Variants in RSPH14 observed in about 807,000 individuals in gnomAD.
RSPH14 encodes the protein radial spoke head 14 homolog, also known as rhabdoid tumor deletion region gene 1.
A neutral mutation model predicts 26.7 loss-of-function variants in RSPH14; 20 were observed. The observed-to-expected ratio is 0.75, with a 90% CI of 0.53 to 1.09. The LOEUF is 1.09. RSPH14 is among the 50% of genes least tolerant of loss of function. The pLI is 0.00. For synonymous variants in RSPH14, 177 were observed against 189.3 expected, an observed-to-expected ratio of 0.93 and a Z score of 0.53; for missense variants, 449 against 457.2, an observed-to-expected ratio of 0.98 and a Z score of 0.16.
At position 23,140,441 on chromosome 22, in the gene RSPH14, C is replaced by G. The variant is rs374852239; in HGVS notation, c.-21G>C. On this transcript the variant is annotated 5_prime_UTR_variant, in exon 2 of 7. Coordinates refer to ENST00000216036, the MANE Select transcript of RSPH14 (RefSeq NM_014433.3). ...GCCATCTTTCCCCAACTACAGAGGCCTTTCCAAATGAAGCTCTGCAGAAAC... is the reference window on the plus strand; with the variant it reads ...GCCATCTTTCCCCAACTACAGAGGCGTTTCCAAATGAAGCTCTGCAGAAAC... 1.2e-6 allele frequency: 2 copies of G among 1,612,752 alleles called. No individual in the cohort carries two copies. The highest frequency in any genetic ancestry group is 1.3e-5 in the African/African-American group (1 of 74,916).
At chr22:23,150,552 C>T in the RSPH14 span, among the ~76,000 whole-genome samples, 1 of 151,948 alleles carries the variant, frequency 6.6e-6, no homozygotes, top group Non-Finnish European at 1.5e-5. Flanking sequence ...CAGCCTGCCT[C>T]GGCCTCCCAA....
chr22:23,096,208 T>G, intron 4 of RSPH14: 3 of 1,613,752 alleles, frequency 1.9e-6, no homozygotes, highest in Non-Finnish European at 1.7e-6. Flanking sequence ...ATATCCCCAC[T>G]GTCGAGGACA....
intron 4 of RSPH14, among the ~76,000 whole-genome samples, chr22:23,116,621 T>C (rs954153898): frequency 6.6e-6 from 1 of 152,170 alleles, no homozygotes; most frequent in Non-Finnish European, 1.5e-5. Flanking sequence ...GCTGTGATAC[T>C]CAGCACTGTG....
chr22:23,153,242 C>T, the RSPH14 span: 2 of 834,504 alleles, frequency 2.4e-6, no homozygotes, highest in South Asian at 1.5e-5. Context: ...CTAGTCTAGA[C>T]AAGCAGAGCC....
upstream of RSPH14, among the ~76,000 whole-genome samples, chr22:23,144,092 CAAAAAAAAAAA>C (rs35499128): frequency 2.1e-4 from 5 of 24,178 alleles, 1 homozygote; most frequent in South Asian, 4.6e-3. Flanking sequence ...GACTCCATCT[CAAAAAAAAAAA>C]AAAAAAAAAA....
At chr22:23,099,014 C>A (rs902163315) in intron 4 of RSPH14, among the ~76,000 whole-genome samples, 5 of 152,284 alleles carry the variant, frequency 3.3e-5, no homozygotes, top group Non-Finnish European at 5.9e-5. Context: ...GCCGAATGAA[C>A]CTTGGGGCCC....
At chr22:23,143,866 G>A (rs936973555), upstream of RSPH14, among the ~76,000 whole-genome samples, 55 of 152,188 alleles carry the variant, frequency 3.6e-4, no homozygotes, top group Middle Eastern at 3.4e-3. Context: ...CAAGGCCGGC[G>A]GATCACATGA....
At chr22:23,101,717 C>A (rs2069307567) in intron 4 of RSPH14, among the ~76,000 whole-genome samples, 1 of 152,248 alleles carries the variant, frequency 6.6e-6, no homozygotes, top group Non-Finnish European at 1.5e-5. Flanking sequence ...GTTATCATGA[C>A]CCTGGAACAG....
intron 4 of RSPH14, chr22:23,131,520 G>A: frequency 1.2e-6 from 1 of 863,072 alleles, no homozygotes. Flanking sequence ...GGCAAAGCTG[G>A]CTGGTGGTAT....
At chr22:23,096,440 C>A in intron 4 of RSPH14, 2 of 1,580,386 alleles carry the variant, frequency 1.3e-6, no homozygotes, top group Non-Finnish European at 1.7e-6. Flanking sequence ...CGGGGGTTTT[C>A]CTCTGCTTGT....
At chr22:23,070,148 C>T (rs1484086810) in intron 4 of RSPH14, among the ~76,000 whole-genome samples, 1 of 151,990 alleles carries the variant, frequency 6.6e-6, no homozygotes, top group Non-Finnish European at 1.5e-5. Flanking sequence ...CCTGTCCGTC[C>T]CCATTGGGCT....
chr22:23,140,250 G>C lies in RSPH14; in HGVS notation c.171C>G (p.Pro57=). The part of the protein sequence containing the change: ...LMALCDLMHD[P]ECIYKAMNIG... ...TGTTCATGGCCTTGTAGATACACTC[G>C]GGGTCATGCATGAGGTCACACAAGG... Residue 57 remains proline, a synonymous_variant, in exon 2 of 7, where the codon CCC becomes CCG. Transcript: ENST00000216036. 1 of 1,614,060 alleles carries C rather than the reference G, an allele frequency of 6.2e-7. No individual in the cohort carries two copies. The highest frequency in any genetic ancestry group is 1.1e-5 in the South Asian group (1 of 91,070).
intron 4 of RSPH14, 90 bp downstream of exon 4, chr22:23,133,936 G>T: frequency 2.4e-6 from 2 of 850,214 alleles, no homozygotes; most frequent in Non-Finnish European, 3.9e-6. Flanking sequence ...AAAAGTGGAC[G>T]ATCTACACCC....
intron 2 of RSPH14, among the ~76,000 whole-genome samples, chr22:23,139,538 T>C (rs1418530405): frequency 1.3e-5 from 2 of 152,220 alleles, no homozygotes; most frequent in Non-Finnish European, 2.9e-5. Flanking sequence ...GGAGAATCAC[T>C]TGAACCCAAG....
chr22:23,161,551 T>TGGGCTGC, the RSPH14 span: 1 of 1,611,396 alleles, frequency 6.2e-7, no homozygotes, highest in Non-Finnish European at 8.5e-7. Context: ...CCCTCCAGCC[T>TGGGCTGC]GGGCTGCTGC....
At chr22:23,158,886 C>T in the RSPH14 span, 1 of 1,613,176 alleles carries the variant, frequency 6.2e-7, no homozygotes, top group African/African-American at 1.3e-5. Context: ...AGCCTCTCTC[C>T]TTACACTCCA....
the RSPH14 span, among the ~76,000 whole-genome samples, chr22:23,175,388 G>C: frequency 3.5e-4 from 53 of 152,148 alleles, no homozygotes; most frequent in African/African-American, 1.2e-3. Context: ...CCATCACCCA[G>C]GCTGGAGTGC....
At chr22:23,175,045 G>T in the RSPH14 span, among the ~76,000 whole-genome samples, 4 of 150,984 alleles carry the variant, frequency 2.6e-5, no homozygotes, top group Admixed American at 2.6e-4. Flanking sequence ...CACCCAGGCT[G>T]GAGTGCAGTG....
the RSPH14 span, chr22:23,150,204 G>C: frequency 2.1e-6 from 3 of 1,402,912 alleles, no homozygotes; most frequent in South Asian, 2.4e-5. Flanking sequence ...GAAGGAATGA[G>C]TGCATGAAGC....
Sources: allele counts gnomAD v4.1 joint callset (sites outside exome capture counted in the v4.1 genomes callset), GRCh38; gene constraint gnomAD v4.1.1; transcripts MANE v1.5; gene names NCBI Gene and HGNC (gene_info 2026-07-23, HGNC 2026-07-21).